The following ESR1 variants were observed in gnomAD, a reference collection of about 807,000 sequenced individuals.
ESR1 encodes estrogen receptor.
Under a neutral mutation model 52.7 loss-of-function variants are expected in ESR1, and 12 were observed. The observed-to-expected ratio is 0.23, with a 90% CI of 0.15 to 0.37. The LOEUF is 0.37. Ranked by LOEUF, ESR1 falls within the 10% of genes least tolerant of loss-of-function variation. The probability of loss-of-function intolerance (pLI) is 1.00; values close to 1 mark genes in which losing one functional copy is unlikely to be tolerated. For missense variants in ESR1, 584 were observed against 779.7 expected (o/e 0.75, Z 2.99); for synonymous variants, 305 against 316.8 (o/e 0.96, Z 0.39).
Position 152,099,139 on chromosome 6 carries a change from C to G in ESR1, c.*173C>G. ...TGCTCAGTTCTTAGTGGCACATCTT[C>G]TGTCTTCTGTTGGGAACAGCCAAAG... is the stretch of plus-strand genomic sequence containing the variant. On this transcript the variant is annotated 3_prime_UTR_variant, in exon 8 of 8. Coordinates refer to ENST00000206249, the MANE Select transcript of ESR1 (RefSeq NM_000125.4). The G allele has an allele frequency of 1.5e-6, 1 of 647,818 alleles. No individual in the cohort carries two copies. 40.1% of individuals were successfully genotyped at this position (647,818 alleles called of 1,614,324 possible).
At chr6:152,003,670 G>A (rs2042126612) in intron 4 of ESR1, among the ~76,000 whole-genome samples, 1 of 151,888 alleles carries the variant, frequency 6.6e-6, no homozygotes, top group South Asian at 2.1e-4. Flanking sequence ...TACCAAATTT[G>A]GTGAGAAATT....
chr6:151,855,910 G>A (rs1364448056), intron 2 of ESR1, among the ~76,000 whole-genome samples: 1 of 152,100 alleles, frequency 6.6e-6, no homozygotes, highest in Admixed American at 6.6e-5. Flanking sequence ...GTGATTTGTC[G>A]TTAGTCATTG....
intron 4 of ESR1, among the ~76,000 whole-genome samples, chr6:151,994,371 T>TA (rs1481420624): frequency 6.6e-6 from 1 of 152,124 alleles, no homozygotes; most frequent in Non-Finnish European, 1.5e-5. Context: ...CCTTGTCATT[T>TA]AAAAAAATAA....
At chr6:152,040,037 C>T (rs2045655363) in intron 5 of ESR1, among the ~76,000 whole-genome samples, 1 of 152,172 alleles carries the variant, frequency 6.6e-6, no homozygotes, top group Non-Finnish European at 1.5e-5. Flanking sequence ...AGAGTAAGTG[C>T]CCATTCCAGT....
chr6:152,042,950 G>A (rs1259766734), intron 5 of ESR1, among the ~76,000 whole-genome samples: 1 of 152,118 alleles, frequency 6.6e-6, no homozygotes, highest in Non-Finnish European at 1.5e-5. Context: ...TTTAAATTTT[G>A]TAGTTGAATG....
At position 152,053,383 on chromosome 6, in the gene ESR1, C is replaced by T. The variant is rs2046839107; in HGVS notation, c.1236-7608C>T. Among the ~76,000 whole-genome samples the T allele has an allele frequency of 6.6e-6, 1 of 152,118 alleles. No individual in the cohort carries two copies. On this transcript the variant is annotated intron_variant, in intron 5 of 7. Transcript: ENST00000206249. The surrounding 1 kb of genome is among the most constrained non-coding windows in gnomAD (Gnocchi z 4.1). ...ATGCTGTTGCTCCCAAATTGCCTCC[C>T]TCTGCCAGTTTCTTGCCCCTTCCTC...
At chr6:152,092,873 T>C (rs906500032) in intron 6 of ESR1, among the ~76,000 whole-genome samples, 2 of 152,200 alleles carry the variant, frequency 1.3e-5, no homozygotes, top group African/African-American at 4.8e-5. Context: ...ATTTTTTCAG[T>C]TATAAGCGAC....
intron 1 of ESR1, among the ~76,000 whole-genome samples, chr6:151,826,358 C>T (rs183761026): frequency 1.2e-3 from 178 of 152,326 alleles, no homozygotes; most frequent in Middle Eastern, 3.4e-3. Flanking sequence ...TAGGTTGCTT[C>T]TGATTCCGCT....
intron 1 of ESR1, chr6:151,809,023 G>T (rs372563256): frequency 1.1e-5 from 3 of 267,854 alleles, no homozygotes; most frequent in East Asian, 2.9e-4. Context: ...CCGCGCTGGA[G>T]CGGATTGCTG....
chr6:151,746,899 G>A (rs904850352), intron 2 of ESR1, among the ~76,000 whole-genome samples: 2 of 152,222 alleles, frequency 1.3e-5, no homozygotes, highest in Non-Finnish European at 2.9e-5. Flanking sequence ...GTAAAATACG[G>A]TTAATAATGG....
intron 2 of ESR1, among the ~76,000 whole-genome samples, chr6:151,776,777 G>T (rs1458689423): frequency 6.6e-6 from 1 of 151,620 alleles, no homozygotes; most frequent in African/African-American, 2.4e-5. Context: ...GGCAGAGGTT[G>T]CAGAGAGCCG....
intron 2 of ESR1, among the ~76,000 whole-genome samples, chr6:151,732,443 T>C (rs891983095): frequency 6.6e-6 from 1 of 152,186 alleles, no homozygotes; most frequent in Admixed American, 6.5e-5. Context: ...ATTCTGTTTA[T>C]GAGCAAGCAA....
chr6:151,938,039 A>G (rs938564548), intron 3 of ESR1, among the ~76,000 whole-genome samples: 1 of 152,204 alleles, frequency 6.6e-6, no homozygotes. Context: ...CGTTTTCTTT[A>G]ACATGTTGAA....
intron 2 of ESR1, among the ~76,000 whole-genome samples, chr6:151,710,150 T>C (rs1337735421): frequency 1.3e-5 from 2 of 152,030 alleles, no homozygotes; most frequent in Admixed American, 6.6e-5. Flanking sequence ...ATCTATTTAT[T>C]TGTTGCCAGG....
intron 4 of ESR1, 151 bp from the exon 5 acceptor site, chr6:152,011,505 T>C (rs552849279): frequency 4.6e-6 from 4 of 874,682 alleles, no homozygotes; most frequent in East Asian, 5.0e-5. Context: ...TTAAAAATAA[T>C]TACTTGACTT....
intron 2 of ESR1, among the ~76,000 whole-genome samples, chr6:151,777,324 G>T (rs924929519): frequency 1.3e-5 from 2 of 151,866 alleles, no homozygotes; most frequent in African/African-American, 2.4e-5. Flanking sequence ...TTACCATGTT[G>T]CCCAGGGTGG....
intron 4 of ESR1, among the ~76,000 whole-genome samples, chr6:151,951,846 C>A (rs1246526497): frequency 6.6e-6 from 1 of 152,230 alleles, no homozygotes; most frequent in Non-Finnish European, 1.5e-5. Context: ...GTTGCTTCTC[C>A]TACTCCTCTC....
chr6:152,004,027 T>C (rs1401222718), intron 4 of ESR1, among the ~76,000 whole-genome samples: 1 of 152,040 alleles, frequency 6.6e-6, no homozygotes, highest in Non-Finnish European at 1.5e-5. Flanking sequence ...CAATCTATAA[T>C]TCTAAACCTT....
chr6:151,834,767 G>T (rs1783028424), intron 1 of ESR1, among the ~76,000 whole-genome samples: 1 of 152,104 alleles, frequency 6.6e-6, no homozygotes, highest in Non-Finnish European at 1.5e-5. Context: ...TTAGAATGGT[G>T]TGAGAAAGCC....
Sources: gnomAD v4.1 joint callset for allele counts (sites outside exome capture counted in the v4.1 genomes callset) on GRCh38, gnomAD v4.1.1 for gene constraint, Gnocchi (gnomAD v3.1) non-coding constraint, MANE v1.5 for transcripts, NCBI Gene and HGNC (gene_info 2026-07-23, HGNC 2026-07-21) for gene names.